Variants in GRID2 observed in about 807,000 individuals in gnomAD.
GRID2 encodes glutamate ionotropic receptor delta type subunit 2.
In GRID2, 33 loss-of-function variants were observed where a neutral mutation model predicts 114.8. That is an observed-to-expected ratio of 0.29 (90% CI 0.22 to 0.38). The LOEUF is 0.38. Among genes scored for constraint, GRID2 ranks in the 10% least tolerant of loss-of-function variants. The probability of loss-of-function intolerance (pLI) is 1.00; values close to 1 mark genes in which losing one functional copy is unlikely to be tolerated. For missense variants in GRID2, 1,184 were observed against 1,257.7 expected (o/e 0.94, Z 0.89); for synonymous variants, 505 against 449.9 (o/e 1.12, Z -1.55).
intron 1 of GRID2, among the ~76,000 whole-genome samples, chr4:92,430,086 T>C (rs1003595812): frequency 6.6e-6 from 1 of 152,234 alleles, no homozygotes; most frequent in African/African-American, 2.4e-5. Flanking sequence ...TATCCTTTTC[T>C]GTGCAGATGC....
intron 4 of GRID2, among the ~76,000 whole-genome samples, chr4:93,161,167 G>T (rs1737655160): frequency 6.6e-6 from 1 of 151,846 alleles, no homozygotes; most frequent in African/African-American, 2.4e-5. Flanking sequence ...ATTTAAAAAG[G>T]ATTTAAGGAA....
chr4:92,489,092 C>G (rs1442709249), intron 1 of GRID2, among the ~76,000 whole-genome samples: 2 of 152,116 alleles, frequency 1.3e-5, no homozygotes, highest in Non-Finnish European at 2.9e-5. Flanking sequence ...TTACTACCCA[C>G]AAAAATACTC....
chr4:93,787,928 T>C (rs2110356135), intron 1 of GRID2, among the ~76,000 whole-genome samples: 1 of 152,286 alleles, frequency 6.6e-6, no homozygotes, highest in Non-Finnish European at 1.5e-5. Flanking sequence ...AAATATTTTG[T>C]ATGTGGAGTG....
At chr4:93,373,041 G>C (rs1406521943) in intron 8 of GRID2, among the ~76,000 whole-genome samples, 1 of 152,080 alleles carries the variant, frequency 6.6e-6, no homozygotes, top group South Asian at 2.1e-4. Flanking sequence ...AAAAGTCTCA[G>C]TCTCAGATTT....
chr4:93,672,246 C>A (rs1724487738), intron 14 of GRID2, among the ~76,000 whole-genome samples: 1 of 152,204 alleles, frequency 6.6e-6, no homozygotes, highest in Non-Finnish European at 1.5e-5. Flanking sequence ...GCCAATGGAT[C>A]ACTTGTCCCC....
At chr4:92,698,439 T>C (rs568850717) in intron 2 of GRID2, among the ~76,000 whole-genome samples, 176 of 152,150 alleles carry the variant, frequency 1.2e-3, no homozygotes, top group African/African-American at 4.0e-3. Context: ...CATGTCACTA[T>C]TAATAACCCA....
At chr4:92,987,378 A>G (rs1754568975) in intron 2 of GRID2, among the ~76,000 whole-genome samples, 1 of 152,098 alleles carries the variant, frequency 6.6e-6, no homozygotes, top group Non-Finnish European at 1.5e-5. Flanking sequence ...AATGGTGTAC[A>G]CTCAGTGAAA....
chr4:92,841,739 T>A (rs1742910476), intron 2 of GRID2, among the ~76,000 whole-genome samples: 1 of 152,096 alleles, frequency 6.6e-6, no homozygotes, highest in Admixed American at 6.6e-5. Context: ...TTTTGCTACC[T>A]TATCACTAAC....
At chr4:93,195,535 T>C (rs1443184927) in intron 4 of GRID2, among the ~76,000 whole-genome samples, 1 of 152,140 alleles carries the variant, frequency 6.6e-6, no homozygotes, top group East Asian at 1.9e-4. Flanking sequence ...TATGGCCAAA[T>C]AAGCTGGACA....
At chr4:92,710,699 C>T (rs970324997) in intron 2 of GRID2, among the ~76,000 whole-genome samples, 8 of 152,128 alleles carry the variant, frequency 5.3e-5, no homozygotes, top group Non-Finnish European at 8.8e-5. Context: ...CTTCTAGACT[C>T]ACATTCCAAG....
chr4:93,748,794 G>C (rs1328986911), intron 14 of GRID2, among the ~76,000 whole-genome samples: 1 of 152,088 alleles, frequency 6.6e-6, no homozygotes, highest in Non-Finnish European at 1.5e-5. Flanking sequence ...ACAAAGCAAG[G>C]AGGAGTACTG....
chr4:92,846,336 G>A (rs1473232679), intron 2 of GRID2, among the ~76,000 whole-genome samples: 1 of 151,872 alleles, frequency 6.6e-6, no homozygotes, highest in Non-Finnish European at 1.5e-5. Flanking sequence ...TCCTCCCTCT[G>A]GCAGTCCCCA....
At chr4:93,370,491 GCACACA>G (rs1213170752) in intron 8 of GRID2, among the ~76,000 whole-genome samples, 1 of 138,104 alleles carries the variant, frequency 7.2e-6, no homozygotes. Flanking sequence ...ACACACACAC[GCACACA>G]CACACACACG....
chr4:93,601,818 T>C (rs935985921), intron 13 of GRID2, among the ~76,000 whole-genome samples: 1 of 152,186 alleles, frequency 6.6e-6, no homozygotes, highest in Non-Finnish European at 1.5e-5. Context: ...TGAAAGACAT[T>C]CTATCCTTAT....
At chr4:92,605,779 C>G (rs1467985414) in intron 2 of GRID2, among the ~76,000 whole-genome samples, 6 of 152,046 alleles carry the variant, frequency 3.9e-5, no homozygotes, top group Non-Finnish European at 8.8e-5. Flanking sequence ...TTTCCATCAT[C>G]AATGTCATTC....
At chr4:92,311,604 T>A (rs1231577630) in intron 1 of GRID2, among the ~76,000 whole-genome samples, 1 of 152,124 alleles carries the variant, frequency 6.6e-6, no homozygotes, top group Non-Finnish European at 1.5e-5. Flanking sequence ...AGTACTATTT[T>A]AAAAAATAAT....
At chr4:92,780,000 A>G (rs555743751) in intron 2 of GRID2, among the ~76,000 whole-genome samples, 4 of 152,154 alleles carry the variant, frequency 2.6e-5, no homozygotes, top group African/African-American at 4.8e-5. Flanking sequence ...GCCTCAAGAA[A>G]GTTAATAGAG....
intron 2 of GRID2, among the ~76,000 whole-genome samples, chr4:92,754,325 G>C (rs989145606): frequency 6.6e-6 from 1 of 152,090 alleles, no homozygotes; most frequent in East Asian, 1.9e-4. Context: ...CAAAAAGCTC[G>C]TGAAATCTGC....
intron 9 of GRID2, among the ~76,000 whole-genome samples, chr4:93,398,149 A>ATATATATTTATC (rs1560579261): frequency 6.9e-6 from 1 of 145,318 alleles, no homozygotes; most frequent in African/African-American, 2.7e-5. Flanking sequence ...ATATATATAT[A>ATATATATTTATC]TATCTTATCA....
Sources: gnomAD v4.1 joint callset for allele counts (sites outside exome capture counted in the v4.1 genomes callset) on GRCh38, gnomAD v4.1.1 for gene constraint, MANE v1.5 for transcripts, NCBI Gene and HGNC (gene_info 2026-07-23, HGNC 2026-07-21) for gene names.